STAT2: variants seen among roughly 807,000 people sequenced by gnomAD.
The protein encoded by STAT2 is signal transducer and activator of transcription 2, also known as interferon alpha induced transcriptional activator.
Under a neutral mutation model 122.3 loss-of-function variants are expected in STAT2, and 51 were observed. The observed-to-expected ratio is 0.42, with a 90% CI of 0.33 to 0.53. The LOEUF (loss-of-function observed/expected upper bound fraction) is 0.53. Among genes scored for constraint, STAT2 ranks in the 20% least tolerant of loss-of-function variants. The probability of loss-of-function intolerance (pLI) is 0.10; values close to 1 mark genes in which losing one functional copy is unlikely to be tolerated. For synonymous variants in STAT2, 351 were observed against 394.9 expected, an observed-to-expected ratio of 0.89 and a Z score of 1.32; for missense variants, 736 against 1,010.3, an observed-to-expected ratio of 0.73 and a Z score of 3.68.
At chr12:56,353,934 T>C (rs1878957746) in intron 8 of STAT2, among the ~76,000 whole-genome samples, 1 of 137,974 alleles carries the variant, frequency 7.2e-6, no homozygotes, top group Admixed American at 7.6e-5. Flanking sequence ...AGTTGGAAGT[T>C]GCAGTGAGCT....
rs748023900 is a variant in STAT2 at position 56,346,971 on chromosome 12, C to T, written c.1725-16G>A. The stretch of plus-strand genomic sequence containing the variant: ...CATGATGCGTCTGGAGCACAGAGAG[C>T]AGCTGTGAGACACCGCCCAACACCC... On this transcript the variant is annotated splice_polypyrimidine_tract_variant and intron_variant, in intron 19 of 23. Transcript: ENST00000314128. The T allele has an allele frequency of 6.2e-7, 1 of 1,613,756 alleles. No homozygotes were observed. Among genetic ancestry groups the T allele is most frequent in the Non-Finnish European group, 8.5e-7 (1 of 1,179,772 alleles).
intron 19 of STAT2, among the ~76,000 whole-genome samples, chr12:56,348,095 T>G (rs966241271): frequency 4.7e-5 from 7 of 149,570 alleles, no homozygotes; most frequent in South Asian, 2.2e-4. Flanking sequence ...TTGTTTTTTT[T>G]TTTTTTTTTT....
At chr12:56,352,202 A>G (rs1878598634) in intron 8 of STAT2, among the ~76,000 whole-genome samples, 1 of 152,024 alleles carries the variant, frequency 6.6e-6, no homozygotes, top group Non-Finnish European at 1.5e-5. Flanking sequence ...CCCAGCCCCA[A>G]CTCACATTTT....
Position 56,355,471 on chromosome 12 carries a change from C to T in STAT2, c.443G>A (p.Arg148Gln), listed in dbSNP as rs1879360038. The T allele has an allele frequency of 6.2e-6, 10 of 1,614,048 alleles. No homozygotes were observed. The highest frequency in any genetic ancestry group is 7.6e-6 in the Non-Finnish European group (9 of 1,180,042). The change falls in exon 5 of 24, where the codon CGG (arginine) becomes CAG (glutamine). Residue 148 changes from arginine to glutamine, a missense_variant. Transcript: ENST00000314128. ...CATCATAGCCCTTAAATCCAGGATC[C>T]GGGATTCAATCTCATGTTGCTGGCT... ...VESQQHEIES[R>Q]ILDLRAMMEK... is the part of the protein sequence containing the mutation.
chr12:56,343,921 T>A lies in STAT2; in HGVS notation c.2317A>T (p.Thr773Ser), dbSNP rs545406892. ...GGTCCTTGGTCTGGCTCTGGCACTG[T>A]TTGTGATACCATGCATAGTGTGGGC... ...IEPTLCMVSQTVPEPDQGPVS... is the reference protein window; with the variant it reads ...IEPTLCMVSQSVPEPDQGPVS... The change falls in exon 23 of 24, where the codon ACA (threonine) becomes TCA (serine). Residue 773 changes from threonine to serine, a missense_variant. Thr to Ser is a moderately conservative substitution (Grantham distance 58). Coordinates refer to ENST00000314128, the MANE Select transcript of STAT2 (RefSeq NM_005419.4). The A allele has an allele frequency of 6.2e-7, 1 of 1,614,124 alleles. No individual in the cohort carries two copies. Among genetic ancestry groups the A allele is most frequent in the East Asian group, 2.2e-5 (1 of 44,868 alleles).
rs1320466095 is a variant in STAT2, at chr12:56,346,542, G to A, written c.1944C>T (p.Tyr648=). Residue 648 remains tyrosine, a synonymous_variant, in exon 21 of 24, where the codon TAC becomes TAT. Coordinates refer to ENST00000314128, the MANE Select transcript of STAT2 (RefSeq NM_005419.4). ...GTATATTCTCCTCAGTGAGCAACTG[G>A]TAATGGCGGATGATTTCAGTCAGCG... The part of the protein sequence containing the change: ...SLPLTEIIRH[Y]QLLTEENIPE... 3 of 1,614,222 alleles carry A rather than the reference G, an allele frequency of 1.9e-6. No individual in the cohort carries two copies. The highest frequency in any genetic ancestry group is 1.1e-5 in the South Asian group (1 of 91,082).
At chr12:56,355,843 ACT>A in intron 3 of STAT2, 40 bp from the exon 4 acceptor site, 2 of 1,579,062 alleles carry the variant, frequency 1.3e-6, no homozygotes, top group Non-Finnish European at 1.7e-6. Context: ...CAATTCAACC[ACT>A]CTCAATGACC....
intron 19 of STAT2, among the ~76,000 whole-genome samples, chr12:56,347,328 C>A (rs1877649143): frequency 6.6e-6 from 1 of 151,614 alleles, no homozygotes; most frequent in Admixed American, 6.6e-5. Flanking sequence ...GTAGCTGGGA[C>A]CACAGGTGCA....
At chr12:56,343,588 A>G in intron 23 of STAT2, 57 bp from the exon 24 acceptor site, 7 of 1,584,776 alleles carry the variant, frequency 4.4e-6, no homozygotes, top group Non-Finnish European at 6.0e-6. Flanking sequence ...TTCCCAACCC[A>G]GCAGGGAAAG....
At chr12:56,351,951 G>A (rs1878559448) in intron 8 of STAT2, among the ~76,000 whole-genome samples, 1 of 151,840 alleles carries the variant, frequency 6.6e-6, no homozygotes, top group Admixed American at 6.6e-5. Flanking sequence ...GGAGTGCAAT[G>A]GTGTGATCTT....
chr12:56,355,206 C>T (rs1879312811), intron 6 of STAT2, 70 bp downstream of exon 6: 5 of 1,565,146 alleles, frequency 3.2e-6, no homozygotes, highest in Non-Finnish European at 4.4e-6. Flanking sequence ...GGAGCTTTCT[C>T]CTGTTCACTT....
intron 22 of STAT2, 64 bp from the exon 23 acceptor site, chr12:56,344,199 G>C: frequency 6.7e-7 from 1 of 1,499,766 alleles, no homozygotes; most frequent in Non-Finnish European, 8.9e-7. Flanking sequence ...AGGAATGGTA[G>C]AATAAGCAGA....
chr12:56,345,524 A>AATATATATATATATTTATATAT (rs1555169411), intron 22 of STAT2, among the ~76,000 whole-genome samples: 1 of 26,250 alleles, frequency 3.8e-5, no homozygotes, highest in African/African-American at 5.3e-4. Context: ...AAAAAAAAAA[A>AATATATATATATATTTATATAT]ATATATATAT....
intron 22 of STAT2, among the ~76,000 whole-genome samples, chr12:56,345,032 GC>G (rs201230143): frequency 0.037 from 5,372 of 146,090 alleles, 167 homozygotes; most frequent in Non-Finnish European, 0.056. Flanking sequence ...AATTAACCAG[GC>G]ATGGGTGGCG....
chr12:56,349,171 T>C lies in STAT2; in HGVS notation c.1432A>G (p.Asn478Asp). The C allele has an allele frequency of 1.2e-6, 2 of 1,614,094 alleles. No homozygotes were observed. Among genetic ancestry groups the C allele is most frequent in the Non-Finnish European group, 1.7e-6 (2 of 1,180,030 alleles). ...CGGCCCCACTCCCCTACCTGAAGGT[T>C]TGGGCTGAGCAAATTGAACCAGAGA... ...SVLWFNLLSPNLQNQQFFSNP... is the reference protein window; with the variant it reads ...SVLWFNLLSPDLQNQQFFSNP... The change falls in exon 16 of 24, where the codon AAC becomes GAC. Residue 478 changes from asparagine (N) to aspartate (D), a missense_variant. Coordinates refer to ENST00000314128, the MANE Select transcript of STAT2 (RefSeq NM_005419.4).
In STAT2 at chr12:56,346,487, G is replaced by A. The variant is rs1565648608; in HGVS notation, c.1999C>T (p.Arg667Ter). Residue 667 changes from arginine to a stop codon, truncating the protein, a stop_gained, in exon 21 of 24, where the codon CGA becomes TGA. Transcript: ENST00000314128. LOFTEE classifies it high-confidence loss of function. ...CCAAAAGCTTCATCCCGGGGGATTCGGGGATAGAGGAAGCGCAGTGGGTTT... is the reference window on the plus strand; with the variant it reads ...CCAAAAGCTTCATCCCGGGGGATTCAGGGATAGAGGAAGCGCAGTGGGTTT... ...PENPLRFLYP[R>*]IPRDEAFGCY... 3.1e-6 allele frequency: 5 copies of A among 1,614,056 alleles called. No homozygotes were observed. Among genetic ancestry groups the A allele is most frequent in the Admixed American group, 3.3e-5 (2 of 60,000 alleles).
chr12:56,343,185 C>T lies in STAT2; in HGVS notation c.*204G>A. ...GATCCTATTTAGACCTATGGCTCAG[C>T]ATCTGTTCTGATTCATTGTTGTCCC... On this transcript the variant is annotated 3_prime_UTR_variant, in exon 24 of 24. Transcript: ENST00000314128. 1.6e-6 allele frequency: 1 copy of T among 635,542 alleles called. No individual in the cohort carries two copies. The highest frequency in any genetic ancestry group is 2.5e-6 in the Non-Finnish European group (1 of 396,806). The allele number at this position is 635,542 out of a possible 1,614,324, so 39.4% of individuals were successfully genotyped here.
rs775683524 is a variant in STAT2, at chr12:56,355,546, C to T, written c.382-14G>A. The T allele has an allele frequency of 6.2e-6, 10 of 1,614,062 alleles. No individual in the cohort carries two copies. The Admixed American group carries it at 6.7e-5, about 11-fold the overall frequency. ...CTCTCCTTGTTCCTGAAAAAAGAGG[C>T]TCTGAGCACGTTTTAACTCTGGCCT... On this transcript the variant is annotated splice_polypyrimidine_tract_variant and intron_variant, in intron 4 of 23. Coordinates refer to ENST00000314128, the MANE Select transcript of STAT2 (RefSeq NM_005419.4).
At position 56,343,269 on chromosome 12, in the gene STAT2, T is replaced by G; in HGVS notation, c.*120A>C. ...CCAATGGAGTCACACAGGCCTGAGTTTGAACAGTTAACACAGCTTGGAAGG... is the reference window on the plus strand; with the variant it reads ...CCAATGGAGTCACACAGGCCTGAGTGTGAACAGTTAACACAGCTTGGAAGG... On this transcript the variant is annotated 3_prime_UTR_variant, in exon 24 of 24. Transcript: ENST00000314128. 1 of 1,418,986 alleles carries G rather than the reference T, an allele frequency of 7.0e-7. No homozygotes were observed. The highest frequency in any genetic ancestry group is 9.5e-7 in the Non-Finnish European group (1 of 1,048,694). The allele number at this position is 1,418,986 out of a possible 1,614,324, so 87.9% of individuals were successfully genotyped here.
Sources: gnomAD v4.1 joint callset for allele counts (sites outside exome capture counted in the v4.1 genomes callset) on GRCh38, gnomAD v4.1.1 for gene constraint, MANE v1.5 for transcripts, NCBI Gene and HGNC (gene_info 2026-07-23, HGNC 2026-07-21) for gene names.